Variants in CNTNAP3B observed in about 807,000 individuals in gnomAD.
CNTNAP3B encodes contactin associated protein family member 3B.
A neutral mutation model predicts 108.9 loss-of-function variants in CNTNAP3B; 25 were observed. The ratio of observed to expected loss-of-function variants is 0.23; its 90% confidence interval spans 0.17 to 0.32. The LOEUF is 0.32. Among genes scored for constraint, CNTNAP3B ranks in the 10% least tolerant of loss-of-function variants. The probability of loss-of-function intolerance (pLI) is 1.00; values close to 1 mark genes in which losing one functional copy is unlikely to be tolerated. For missense variants in CNTNAP3B, 252 were observed against 1,210.4 expected (o/e 0.21, Z 11.75); for synonymous variants, 103 against 473.4 (o/e 0.22, Z 10.16).
intron 13 of CNTNAP3B, among the ~76,000 whole-genome samples, chr9:41,950,679 A>T (rs1411766471): frequency 3.3e-5 from 5 of 150,630 alleles, no homozygotes; most frequent in African/African-American, 7.3e-5. Flanking sequence ...CTTGAAGTTT[A>T]AAAAAACCCA....
At chr9:41,948,309 C>G (rs1194518009) in intron 13 of CNTNAP3B, among the ~76,000 whole-genome samples, 1 of 152,176 alleles carries the variant, frequency 6.6e-6, no homozygotes, top group Non-Finnish European at 1.5e-5. Context: ...CCAGGCAGGT[C>G]TCGAACTCCT....
intron 18 of CNTNAP3B, among the ~76,000 whole-genome samples, chr9:41,917,359 GC>G (rs1291529270): frequency 7.1e-6 from 1 of 140,624 alleles, no homozygotes; most frequent in African/African-American, 2.8e-5. Flanking sequence ...TCTCTTAATT[GC>G]TTACTGCCAA....
At chr9:41,937,764 G>C (rs1824202129) in intron 14 of CNTNAP3B, among the ~76,000 whole-genome samples, 1 of 151,954 alleles carries the variant, frequency 6.6e-6, no homozygotes, top group Non-Finnish European at 1.5e-5. Context: ...GTGGGAAATT[G>C]TTGCTTCTAA....
chr9:42,078,445 G>T (rs1827536976), intron 2 of CNTNAP3B, among the ~76,000 whole-genome samples: 1 of 139,520 alleles, frequency 7.2e-6, no homozygotes, highest in Non-Finnish European at 1.5e-5. Flanking sequence ...CACCTCTAAA[G>T]TTTATATTAT....
At chr9:41,934,100 C>CATACATATAT (rs1564148239) in intron 14 of CNTNAP3B, among the ~76,000 whole-genome samples, 2 of 90,224 alleles carry the variant, frequency 2.2e-5, no homozygotes, top group Non-Finnish European at 4.5e-5. Context: ...ATATTTGTTA[C>CATACATATAT]ATATATATAT....
At chr9:41,924,612 G>A (rs2117967288) in intron 15 of CNTNAP3B, among the ~76,000 whole-genome samples, 2 of 144,774 alleles carry the variant, frequency 1.4e-5, no homozygotes, top group Non-Finnish European at 3.0e-5. Context: ...AATGACTCCA[G>A]AAGCCAGAAC....
In CNTNAP3B at chr9:42,129,166, C is replaced by G; in HGVS notation, c.-72G>C. 4 of 1,495,488 alleles carry G rather than the reference C, an allele frequency of 2.7e-6. 1 individual carries two copies. The highest frequency in any genetic ancestry group is 1.8e-6 in the Non-Finnish European group (2 of 1,114,466). The allele number at this position is 1,495,488 out of a possible 1,614,324, so 92.6% of individuals were successfully genotyped here. A position where few individuals can be genotyped will look rare whatever the true frequency, so the allele number is the denominator to read the frequency against. ...CTCTGCGTCGTTCCTGCTCTCACTC[C>G]CGCTCTCACTCCCGTCCCCTGCGCG... On this transcript the variant is annotated 5_prime_UTR_variant, in exon 1 of 24. Transcript: ENST00000377561.
intron 3 of CNTNAP3B, among the ~76,000 whole-genome samples, chr9:42,036,402 T>C (rs1314724589): frequency 1.4e-5 from 2 of 140,286 alleles, no homozygotes; most frequent in African/African-American, 5.6e-5. Context: ...ACTTCTTTTT[T>C]CACTTAAATG....
chr9:41,944,174 C>T (rs1197257628), intron 13 of CNTNAP3B, among the ~76,000 whole-genome samples: 4 of 148,372 alleles, frequency 2.7e-5, no homozygotes, highest in African/African-American at 7.6e-5. Flanking sequence ...ACCTACCTTG[C>T]AAGCCATGTT....
At chr9:41,980,746 C>T (rs531566735) in intron 9 of CNTNAP3B, 2 of 145,664 alleles carry the variant, frequency 1.4e-5, no homozygotes, top group South Asian at 4.3e-4. Flanking sequence ...CATACTTCAA[C>T]ATAGTAAGAG....
chr9:41,950,954 A>G lies in CNTNAP3B; in HGVS notation c.2080+2229T>C, dbSNP rs551072613. 3.4e-4 allele frequency among the ~76,000 whole-genome samples: 49 copies of G among 142,608 alleles called. No homozygotes were observed. In the South Asian group the frequency reaches 6.3e-3, roughly 18 times the overall value. The allele number at this position is 142,608 out of a possible 152,430, so 93.6% of individuals were successfully genotyped here. ...GTATTTTTAGTAGAGACGGGGTTTCATCGTGTTAGCCAGGATGGTCTGATT... is the reference window on the plus strand; with the variant it reads ...GTATTTTTAGTAGAGACGGGGTTTCGTCGTGTTAGCCAGGATGGTCTGATT... On this transcript the variant is annotated intron_variant, in intron 13 of 23. Coordinates refer to ENST00000377561, the MANE Select transcript of CNTNAP3B (RefSeq NM_001201380.3).
chr9:42,121,517 GC>G lies in CNTNAP3B; in HGVS notation c.85+7492del, dbSNP rs1828461073. ...GAGGTAGAGGACATCTGCCTAGCCT[GC>G]CAAAACAAAACAAATTGACAATCAA... On this transcript the variant is annotated intron_variant, in intron 1 of 23. Coordinates refer to ENST00000377561, the MANE Select transcript of CNTNAP3B (RefSeq NM_001201380.3). Among the ~76,000 whole-genome samples the G allele has an allele frequency of 1.4e-5, 2 of 138,302 alleles. 1 individual carries two copies. Among genetic ancestry groups the G allele is most frequent in the African/African-American group, 5.8e-5 (2 of 34,658 alleles). The allele number at this position is 138,302 out of a possible 152,430, so 90.7% of individuals were successfully genotyped here. A position where few individuals can be genotyped will look rare whatever the true frequency, so the allele number is the denominator to read the frequency against.
chr9:42,129,193 C>T lies in CNTNAP3B; in HGVS notation c.-99G>A, dbSNP rs1244404378. 3 of 1,448,540 alleles carry T rather than the reference C, an allele frequency of 2.1e-6. No homozygotes were observed. The highest frequency in any genetic ancestry group is 1.6e-5 in the African/African-American group (1 of 60,620). 89.7% of individuals were successfully genotyped at this position (1,448,540 alleles called of 1,614,324 possible). Reference sequence around the variant, plus strand: ...GCTCTCACTCCCGTCCCCTGCGCGGCTCCGACGCTGCTCTGTCTCCCCTGT... The same window carrying T: ...GCTCTCACTCCCGTCCCCTGCGCGGTTCCGACGCTGCTCTGTCTCCCCTGT... On this transcript the variant is annotated 5_prime_UTR_variant, in exon 1 of 24. Transcript: ENST00000377561.
intron 13 of CNTNAP3B, among the ~76,000 whole-genome samples, chr9:41,945,711 T>C (rs1824513039): frequency 6.6e-6 from 1 of 152,304 alleles, no homozygotes. Context: ...TATGGATACA[T>C]ATGTAACAAA....
intron 3 of CNTNAP3B, among the ~76,000 whole-genome samples, chr9:42,075,525 C>T (rs553100987): frequency 3.0e-5 from 4 of 132,410 alleles, no homozygotes; most frequent in South Asian, 4.9e-4. Flanking sequence ...TTAACCTTTA[C>T]GCTCTTTCCC....
chr9:41,948,355 G>A (rs2645607), intron 13 of CNTNAP3B, among the ~76,000 whole-genome samples: 2 of 151,964 alleles, frequency 1.3e-5, no homozygotes, highest in African/African-American at 2.4e-5. Context: ...GCCTCCCAAA[G>A]TGCTGGGATC....
At chr9:42,078,585 A>T (rs1159797550) in intron 2 of CNTNAP3B, among the ~76,000 whole-genome samples, 80 of 136,104 alleles carry the variant, frequency 5.9e-4, no homozygotes, top group Middle Eastern at 3.5e-3. Flanking sequence ...ACTGATAACC[A>T]ACACTGTGCA....
At chr9:41,955,964 G>A (rs2118168102) in intron 12 of CNTNAP3B, among the ~76,000 whole-genome samples, 1 of 152,316 alleles carries the variant, frequency 6.6e-6, no homozygotes, top group Admixed American at 6.5e-5. Context: ...TAACTTAAAT[G>A]TGCTCAGAAC....
intron 3 of CNTNAP3B, among the ~76,000 whole-genome samples, chr9:42,054,475 G>A (rs1269056653): frequency 6.6e-6 from 1 of 151,712 alleles, no homozygotes. Context: ...CATCCACCCT[G>A]CATTTTGTAA....
Sources: gnomAD v4.1 joint callset for allele counts (sites outside exome capture counted in the v4.1 genomes callset) on GRCh38, gnomAD v4.1.1 for gene constraint, MANE v1.5 for transcripts, NCBI Gene and HGNC (gene_info 2026-07-23, HGNC 2026-07-21) for gene names.